The following MSH3 variants were observed in gnomAD, a reference collection of about 807,000 sequenced individuals.
MSH3 encodes the protein mutS homolog 3.
In MSH3, 106 loss-of-function variants were observed where a neutral mutation model predicts 123.3. That is an observed-to-expected ratio of 0.86 (90% CI 0.73 to 1.01). The LOEUF is 1.01. Among genes scored for constraint, MSH3 ranks in the 50% least tolerant of loss-of-function variants. The pLI, the probability that MSH3 is intolerant of heterozygous loss-of-function variation, is 0.00. For synonymous variants in MSH3, 515 were observed against 481.4 expected, an observed-to-expected ratio of 1.07 and a Z score of -0.91; for missense variants, 1,459 against 1,347.6, an observed-to-expected ratio of 1.08 and a Z score of -1.29.
chr5:80,682,361 G>A (rs1282916733), intron 8 of MSH3, among the ~76,000 whole-genome samples: 1 of 152,002 alleles, frequency 6.6e-6, no homozygotes, highest in Non-Finnish European at 1.5e-5. Context: ...TAGGTAAAGC[G>A]CCTGAAATAG....
intron 19 of MSH3, among the ~76,000 whole-genome samples, chr5:80,811,438 G>A (rs32998): frequency 0.85 from 128,688 of 152,100 alleles, 54,512 homozygotes; most frequent in East Asian, 1. Flanking sequence ...TAAATGGTTT[G>A]TATAACCTTG....
intron 20 of MSH3, among the ~76,000 whole-genome samples, chr5:80,824,983 A>G (rs1745268571): frequency 6.6e-6 from 1 of 152,098 alleles, no homozygotes; most frequent in South Asian, 2.1e-4. Context: ...TGTTGTTACC[A>G]CTGGAAAGGA....
intron 20 of MSH3, among the ~76,000 whole-genome samples, chr5:80,835,866 G>T (rs1252865975): frequency 6.6e-6 from 1 of 151,940 alleles, no homozygotes. Flanking sequence ...AGTGAGCTGA[G>T]ATTGCACCAC....
Position 80,670,310 on chromosome 5 carries a change from G to T in MSH3, c.792+1G>T. ...TAGATTCTTTGGGGAAGATGCAGAG[G>T]TAAGTCGTCTTTTCAGGCACTATTT... On this transcript the variant is annotated splice_donor_variant, in intron 4 of 23. Coordinates refer to ENST00000265081, the MANE Select transcript of MSH3 (RefSeq NM_002439.5). LOFTEE classifies it high-confidence loss of function. The T allele has an allele frequency of 6.2e-7, 1 of 1,613,772 alleles. No homozygotes were observed. Among genetic ancestry groups the T allele is most frequent in the Non-Finnish European group, 8.5e-7 (1 of 1,179,736 alleles).
rs1643639 is a variant in MSH3 at position 80,656,571 on chromosome 5, T to C, written c.358+40T>C. ...ATTCTTTTTTCTCCTCAGTCATGGC[T>C]CTGGTATTCTGGAATTCTCCAGAGG... is the stretch of plus-strand genomic sequence containing the variant. On this transcript the variant is annotated intron_variant, in intron 2 of 23. Transcript: ENST00000265081. The C allele has an allele frequency of 0.26, 421,910 of 1,611,536 alleles. 57,927 individuals carry two copies. Among genetic ancestry groups the C allele is most frequent in the Middle Eastern group, 0.42 (2,543 of 6,056 alleles).
intron 8 of MSH3, among the ~76,000 whole-genome samples, chr5:80,713,237 A>G (rs987473366): frequency 2.6e-5 from 4 of 152,162 alleles, no homozygotes; most frequent in African/African-American, 9.7e-5. Context: ...TTTATTTCCA[A>G]GCAGACATTA....
At chr5:80,695,064 T>C (rs1650742) in intron 8 of MSH3, among the ~76,000 whole-genome samples, 1 of 148,148 alleles carries the variant, frequency 6.8e-6, no homozygotes, top group Non-Finnish European at 1.5e-5. Flanking sequence ...GTTTTTGTTG[T>C]TGGTGGTGGT....
intron 20 of MSH3, among the ~76,000 whole-genome samples, chr5:80,844,050 C>T (rs1421940747): frequency 1.3e-5 from 2 of 151,852 alleles, no homozygotes; most frequent in Non-Finnish European, 2.9e-5. Context: ...CTATAAATTT[C>T]CCTCTACACA....
At position 80,875,921 on chromosome 5, in the gene MSH3, T is replaced by C; in HGVS notation, c.*59T>C. On this transcript the variant is annotated 3_prime_UTR_variant, in exon 24 of 24. Coordinates refer to ENST00000265081, the MANE Select transcript of MSH3 (RefSeq NM_002439.5). ...AATTAAAAATACCAACTGTACAAAA[T>C]AACTCTCCAGTAACAGCCTATCTTT... 1.9e-6 allele frequency: 2 copies of C among 1,026,086 alleles called. No homozygotes were observed. The highest frequency in any genetic ancestry group is 1.5e-6 in the Non-Finnish European group (1 of 657,744). 63.6% of individuals were successfully genotyped at this position (1,026,086 alleles called of 1,614,324 possible).
chr5:80,666,329 G>T (rs759391179), intron 3 of MSH3, among the ~76,000 whole-genome samples: 1 of 152,046 alleles, frequency 6.6e-6, no homozygotes, highest in Admixed American at 6.6e-5. Flanking sequence ...AAAGCTGTTG[G>T]CCTTTTTCTT....
intron 19 of MSH3, among the ~76,000 whole-genome samples, chr5:80,794,770 A>G (rs1364377390): frequency 6.6e-6 from 1 of 152,178 alleles, no homozygotes; most frequent in Non-Finnish European, 1.5e-5. Context: ...GAAAACAGGG[A>G]TCCAGGTGTC....
Position 80,852,123 on chromosome 5 carries a change from C to G in MSH3, c.2814-2007C>G, listed in dbSNP as rs538927033. ...GGAGGATCATTTGAACCCAGGAGTT[C>G]AACAACAGCCCAGGCAACATAGTGA... On this transcript the variant is annotated intron_variant, in intron 20 of 23. Coordinates refer to ENST00000265081, the MANE Select transcript of MSH3 (RefSeq NM_002439.5). Among the ~76,000 whole-genome samples the G allele has an allele frequency of 3.9e-5, 6 of 152,232 alleles. No individual in the cohort carries two copies. In the East Asian group the frequency reaches 9.7e-4, roughly 24 times the overall value.
chr5:80,785,908 A>G (rs1423089276), intron 17 of MSH3, among the ~76,000 whole-genome samples: 2 of 149,660 alleles, frequency 1.3e-5, no homozygotes, highest in African/African-American at 2.5e-5. Flanking sequence ...ACCAAACACC[A>G]CATGTTCTTA....
chr5:80,672,843 A>G lies in MSH3; in HGVS notation c.1012A>G (p.Thr338Ala), dbSNP rs762169960. Residue 338 changes from threonine (T) to alanine (A), a missense_variant, in exon 6 of 24, where the codon ACA becomes GCA. Physicochemically the swap from Thr to Ala is moderately conservative, Grantham distance 58. Coordinates refer to ENST00000265081, the MANE Select transcript of MSH3 (RefSeq NM_002439.5). ...ATTGACTGCCCTTTATACAAAATCTACACTTATTGGAGAAGATATCCTTTT... is the reference window on the plus strand; with the variant it reads ...ATTGACTGCCCTTTATACAAAATCTGCACTTATTGGAGAAGATATCCTTTT... ...RKLTALYTKS[T>A]LIGEDVNPLI... 3 of 1,610,806 alleles carry G rather than the reference A, an allele frequency of 1.9e-6. No homozygotes were observed. The highest frequency in any genetic ancestry group is 4.5e-5 in the East Asian group (2 of 44,874).
chr5:80,734,063 T>C (rs964249233), intron 10 of MSH3, among the ~76,000 whole-genome samples: 1 of 152,208 alleles, frequency 6.6e-6, no homozygotes, highest in Non-Finnish European at 1.5e-5. Context: ...GTCCATCAAC[T>C]GAAGAATGGA....
Position 80,768,910 on chromosome 5 carries a change from A to G in MSH3, c.2160A>G (p.Gln720=), listed in dbSNP as rs774324304. 1.2e-5 allele frequency: 20 copies of G among 1,612,220 alleles called. No individual in the cohort carries two copies. Among genetic ancestry groups the G allele is most frequent in the Admixed American group, 1.7e-5 (1 of 59,982 alleles). Residue 720 remains glutamine, a synonymous_variant, in exon 15 of 24, where the codon CAA becomes CAG. Coordinates refer to ENST00000265081, the MANE Select transcript of MSH3 (RefSeq NM_002439.5). ...TAAAAAAGAGGAAGGATGAAATTCA[A>G]GGTGTTATTGACGAGATCCGAATGC... ...PLIKKRKDEI[Q]GVIDEIRMHL... is the part of the protein sequence containing the mutation.
At chr5:80,750,708 T>C (rs1743818257) in intron 12 of MSH3, among the ~76,000 whole-genome samples, 2 of 152,216 alleles carry the variant, frequency 1.3e-5, no homozygotes. Flanking sequence ...TTTCCTTTGC[T>C]GTGCAGATTT....
chr5:80,729,430 A>AAATGTGTG (rs1491210653), intron 10 of MSH3, among the ~76,000 whole-genome samples: 40 of 78,358 alleles, frequency 5.1e-4, no homozygotes, highest in South Asian at 7.9e-4. Flanking sequence ...AAAAAAAAAA[A>AAATGTGTG]TGTGTGTGTG....
chr5:80,796,143 T>C (rs1744695691), intron 19 of MSH3, among the ~76,000 whole-genome samples: 1 of 152,202 alleles, frequency 6.6e-6, no homozygotes, highest in Admixed American at 6.5e-5. Context: ...TTCCTGTTAC[T>C]GTTTCCCTGC....
Sources: allele counts gnomAD v4.1 joint callset (sites outside exome capture counted in the v4.1 genomes callset), GRCh38; gene constraint gnomAD v4.1.1; transcripts MANE v1.5; gene names NCBI Gene and HGNC (gene_info 2026-07-23, HGNC 2026-07-21).